Variants in OR7G2 observed in about 807,000 individuals in gnomAD.
The protein encoded by OR7G2 is olfactory receptor 7G2.
For synonymous variants in OR7G2, 153 were observed against 152.2 expected, an observed-to-expected ratio of 1.01 and a Z score of -0.04; for missense variants, 362 against 384.0, an observed-to-expected ratio of 0.94 and a Z score of 0.48.
At position 9,101,459 on chromosome 19, in the gene OR7G2, G is replaced by A. The variant is rs2050353340; in HGVS notation, c.*810C>T. 1 of 151,944 alleles carries A rather than the reference G, an allele frequency of 6.6e-6. No individual in the cohort carries two copies. The highest frequency in any genetic ancestry group is 1.5e-5 in the Non-Finnish European group (1 of 68,020). 9.4% of individuals were successfully genotyped at this position (151,944 alleles called of 1,614,324 possible). On this transcript the variant is annotated 3_prime_UTR_variant, in exon 2 of 2. Transcript: ENST00000641081. Reference sequence around the variant, plus strand: ...GCGGTGGCTCACGCCTCTAATCCCAGTAATCCCAGAACTTTGGGAGGCCGA... The same window carrying A: ...GCGGTGGCTCACGCCTCTAATCCCAATAATCCCAGAACTTTGGGAGGCCGA...
chr19:9,102,408 G>C lies in OR7G2; in HGVS notation c.836C>G (p.Ser279Cys). Reference protein sequence around the residue: ...RKTAVASVMYSVFPQMVNPFI... With the variant: ...RKTAVASVMYCVFPQMVNPFI... ...GGGGTTCACCATTTGAGGGAACACA[G>C]AATACATCACTGAAGCCACTGCAGT... Residue 279 changes from serine to cysteine, a missense_variant, in exon 2 of 2, where the codon TCT (serine) becomes TGT (cysteine). Transcript: ENST00000641081. 6.2e-7 allele frequency: 1 copy of C among 1,613,962 alleles called. No homozygotes were observed. The highest frequency in any genetic ancestry group is 8.5e-7 in the Non-Finnish European group (1 of 1,179,866).
chr19:9,106,450 A>G (rs1019713462), intron 1 of OR7G2, among the ~76,000 whole-genome samples: 2 of 136,300 alleles, frequency 1.5e-5, no homozygotes, highest in African/African-American at 2.6e-5. Context: ...AATTCACACA[A>G]TTCACCATCC....
In OR7G2 at chr19:9,102,731, G is replaced by C. The variant is rs774105020; in HGVS notation, c.513C>G (p.Asp171Glu). ...CACAGAAGAAGAGCGGGATTTCCAG[G>C]TCTGTGCAGAAGGACAGCCTCAACA... ...LMVLRLSFCTDLEIPLFFCEL... is the reference protein window; with the variant it reads ...LMVLRLSFCTELEIPLFFCEL... Residue 171 changes from aspartate to glutamate, a missense_variant, in exon 2 of 2, where the codon GAC becomes GAG. By Grantham distance (45) the Asp-to-Glu change is conservative. Coordinates refer to ENST00000641081, the MANE Select transcript of OR7G2 (RefSeq NM_001005193.2). 1 of 1,614,124 alleles carries C rather than the reference G, an allele frequency of 6.2e-7. No homozygotes were observed. The highest frequency in any genetic ancestry group is 8.5e-7 in the Non-Finnish European group (1 of 1,180,018).
chr19:9,102,517 AC>A lies in OR7G2; in HGVS notation c.726del (p.Ser243LeufsTer34), dbSNP rs1443938352. 1 of 1,614,172 alleles carries A rather than the reference AC, an allele frequency of 6.2e-7. No homozygotes were observed. On this transcript the variant is annotated frameshift_variant, in exon 2 of 2. Transcript: ENST00000641081. LOFTEE classifies it low-confidence loss of function (END_TRUNC). Reference protein sequence around the residue: ...SGKHKAVSTCGSHLSIVLLFY... With the variant: ...SGKHKAVSTCXSHLSIVLLFY... ...AACAAGAGAACAATGGAGAGGTGAG[AC>A]CCACAGGTGGAAACTGCTTTGTGCT...
rs140948516 is a variant in OR7G2, at chr19:9,102,439, T to C, written c.805A>G (p.Arg269Gly). The C allele has an allele frequency of 6.1e-5, 99 of 1,613,912 alleles. No homozygotes were observed. Among genetic ancestry groups the C allele is most frequent in the Non-Finnish European group, 8.2e-5 (97 of 1,179,918 alleles). ...ATCACTGAAGCCACTGCAGTCTTCC[T>C]AGGTGAGTCAGTAACCACAGAACTA... ...YISSVVTDSP[R>G]KTAVASVMYS... Residue 269 changes from arginine to glycine, a missense_variant, in exon 2 of 2, where the codon AGG becomes GGG. Arg to Gly is a moderately radical substitution (Grantham distance 125). Coordinates refer to ENST00000641081, the MANE Select transcript of OR7G2 (RefSeq NM_001005193.2).
At position 9,102,756 on chromosome 19, in the gene OR7G2, A is replaced by G. The variant is rs1332749527; in HGVS notation, c.488T>C (p.Val163Ala). The change falls in exon 2 of 2, where the codon GTG becomes GCG. Residue 163 changes from valine (V) to alanine (A), a missense_variant. Val to Ala is a moderately conservative substitution (Grantham distance 64). Coordinates refer to ENST00000641081, the MANE Select transcript of OR7G2 (RefSeq NM_001005193.2). ...GTCTGTGCAGAAGGACAGCCTCAAC[A>G]CCATCAGGCTGAGAAGAAGGGCATT... is the stretch of plus-strand genomic sequence containing the variant. The part of the protein sequence containing the change: ...VVNALLLSLM[V>A]LRLSFCTDLE... 1 of 1,614,162 alleles carries G rather than the reference A, an allele frequency of 6.2e-7. No individual in the cohort carries two copies. The highest frequency in any genetic ancestry group is 1.7e-5 in the Admixed American group (1 of 60,010).
intron 1 of OR7G2, 127 bp from the exon 2 acceptor site, chr19:9,103,386 G>T: frequency 2.5e-6 from 2 of 793,032 alleles, no homozygotes; most frequent in South Asian, 1.7e-5. Context: ...GATGAGAACC[G>T]ACAGTTTATT....
intron 1 of OR7G2, among the ~76,000 whole-genome samples, chr19:9,103,675 T>TTGTGTGTGTG (rs371933843): frequency 6.3e-5 from 9 of 142,496 alleles, no homozygotes; most frequent in Admixed American, 1.4e-4. Flanking sequence ...CTGGCTAATT[T>TTGTGTGTGTG]TGTGTGTGTG....
rs749114546 is a variant in OR7G2 at position 9,103,166 on chromosome 19, G to T, written c.78C>A (p.Val26=). ...GLIEDPELQP[V]LFSLFLSMYL... is the part of the protein sequence containing the mutation. ...ACATGGACAGGAACAGGCTGAAAAG[G>T]ACGGGCTGCAGTTCCGGATCCTCTA... The change falls in exon 2 of 2, where the codon GTC becomes GTA. Residue 26 remains valine, a synonymous_variant. Transcript: ENST00000641081. 10 of 1,614,064 alleles carry T rather than the reference G, an allele frequency of 6.2e-6. 1 individual carries two copies. The highest frequency in any genetic ancestry group is 1.6e-4 in the Middle Eastern group (1 of 6,084).
Position 9,103,150 on chromosome 19 carries a change from G to T in OR7G2, c.94C>A (p.Leu32Met), listed in dbSNP as rs144387482. The change falls in exon 2 of 2, where the codon CTG becomes ATG. Residue 32 changes from leucine (L) to methionine (M), a missense_variant. Leu to Met is a conservative substitution (Grantham distance 15). Transcript: ENST00000641081. ...ELQPVLFSLF[L>M]SMYLVTILGN... ...AGGATGGTGACCAAGTACATGGACA[G>T]GAACAGGCTGAAAAGGACGGGCTGC... The T allele has an allele frequency of 4.3e-5, 69 of 1,614,016 alleles. No homozygotes were observed. Among genetic ancestry groups the T allele is most frequent in the Non-Finnish European group, 4.0e-5 (47 of 1,180,040 alleles).
rs961744838 is a variant in OR7G2, at chr19:9,101,446, G to T, written c.*823C>A. On this transcript the variant is annotated 3_prime_UTR_variant, in exon 2 of 2. Transcript: ENST00000641081. ...CACTTAGCCAGGAGCGGTGGCTCAC[G>T]CCTCTAATCCCAGTAATCCCAGAAC... 1.3e-5 allele frequency: 2 copies of T among 151,948 alleles called. 1 individual carries two copies. Among genetic ancestry groups the T allele is most frequent in the Admixed American group, 1.3e-4 (2 of 15,208 alleles). 9.4% of individuals were successfully genotyped at this position (151,948 alleles called of 1,614,324 possible). A position where few individuals can be genotyped will look rare whatever the true frequency, so the allele number is the denominator to read the frequency against.
chr19:9,105,334 T>A (rs2050380166), intron 1 of OR7G2, among the ~76,000 whole-genome samples: 1 of 152,130 alleles, frequency 6.6e-6, no homozygotes, highest in African/African-American at 2.4e-5. Flanking sequence ...TTCTTCTACG[T>A]GCTGAGAATA....
chr19:9,102,365 C>G lies in OR7G2; in HGVS notation c.879G>C (p.Arg293Ser). Reference protein sequence around the residue: ...QMVNPFIYSLRNKDMKGTLRK... With the variant: ...QMVNPFIYSLSNKDMKGTLRK... ...TCAAGGTTCCTTTCATGTCCTTATT[C>G]CTCAGACTATAGATAAAGGGGTTCA... is the stretch of plus-strand genomic sequence containing the variant. The change falls in exon 2 of 2, where the codon AGG becomes AGC. Residue 293 changes from arginine to serine, a missense_variant. Transcript: ENST00000641081. 1 of 1,613,856 alleles carries G rather than the reference C, an allele frequency of 6.2e-7. No homozygotes were observed. The highest frequency in any genetic ancestry group is 8.5e-7 in the Non-Finnish European group (1 of 1,179,780).
In OR7G2 at chr19:9,102,923, A is replaced by G; in HGVS notation, c.321T>C (p.Phe107=). The part of the protein sequence containing the change: ...CLTQICFVLF[F]AGLENCLLAA... ...CAAGGAGACAATTTTCCAAGCCAGCAAAAAACAAGACAAAGCAGATCTGGG... is the reference window on the plus strand; with the variant it reads ...CAAGGAGACAATTTTCCAAGCCAGCGAAAAACAAGACAAAGCAGATCTGGG... Residue 107 remains phenylalanine (F), a synonymous_variant, in exon 2 of 2, where the codon TTT becomes TTC. Transcript: ENST00000641081. The G allele has an allele frequency of 6.2e-7, 1 of 1,614,222 alleles. No homozygotes were observed. Among genetic ancestry groups the G allele is most frequent in the Non-Finnish European group, 8.5e-7 (1 of 1,180,032 alleles).
chr19:9,104,028 T>C (rs2050371546), intron 1 of OR7G2, among the ~76,000 whole-genome samples: 1 of 151,254 alleles, frequency 6.6e-6, no homozygotes, highest in South Asian at 2.1e-4. Context: ...CAGCACCATA[T>C]TTGGCTAATT....
At chr19:9,105,198 G>C (rs2050379282) in intron 1 of OR7G2, among the ~76,000 whole-genome samples, 1 of 151,930 alleles carries the variant, frequency 6.6e-6, no homozygotes, top group Admixed American at 6.6e-5. Flanking sequence ...TGGAACTCCT[G>C]ACCTTGTGAT....
chr19:9,103,596 T>G (rs868113412), intron 1 of OR7G2, among the ~76,000 whole-genome samples: 2 of 142,652 alleles, frequency 1.4e-5, no homozygotes, highest in African/African-American at 5.3e-5. Flanking sequence ...AAGCTCCACC[T>G]CCATGTTCAA....
chr19:9,106,019 A>G (rs2050383768), intron 1 of OR7G2, among the ~76,000 whole-genome samples: 1 of 152,142 alleles, frequency 6.6e-6, no homozygotes, highest in African/African-American at 2.4e-5. Flanking sequence ...AACGTTTTTG[A>G]ACCTGCACAG....
chr19:9,105,911 AG>A (rs2145912668), intron 1 of OR7G2, among the ~76,000 whole-genome samples: 1 of 152,114 alleles, frequency 6.6e-6, no homozygotes, highest in South Asian at 2.1e-4. Flanking sequence ...AAAAGAGAGA[AG>A]GGAAGAGAAA....
Sources: gnomAD v4.1 joint callset for allele counts (sites outside exome capture counted in the v4.1 genomes callset) on GRCh38, gnomAD v4.1.1 for gene constraint, MANE v1.5 for transcripts, NCBI Gene and HGNC (gene_info 2026-07-23, HGNC 2026-07-21) for gene names.